Variants in MTFR1 observed in about 807,000 individuals in gnomAD.
The protein encoded by MTFR1 is chondrocyte protein with a poly-proline region.
Under a neutral mutation model 38.8 loss-of-function variants are expected in MTFR1, and 28 were observed. That is an observed-to-expected ratio of 0.72 (90% confidence interval 0.53 to 0.99). MTFR1 has a LOEUF of 0.99. Among genes scored for constraint, MTFR1 ranks in the 50% least tolerant of loss-of-function variants. The pLI is 0.00. For synonymous variants in MTFR1, 145 were observed against 137.0 expected, an observed-to-expected ratio of 1.06 and a Z score of -0.41; for missense variants, 358 against 395.5, an observed-to-expected ratio of 0.91 and a Z score of 0.81.
intron 3 of MTFR1, chr8:65,723,443 G>T: frequency 8.9e-7 from 1 of 1,120,622 alleles, no homozygotes; most frequent in Non-Finnish European, 1.2e-6. Context: ...AAATAGAAAT[G>T]AGCATAATTT....
intron 5 of MTFR1, among the ~76,000 whole-genome samples, chr8:65,706,274 T>C (rs1171231930): frequency 5.9e-5 from 9 of 152,206 alleles, no homozygotes; most frequent in East Asian, 5.8e-4. Flanking sequence ...ATAGATAATT[T>C]TGAAGCTCTA....
rs758152611 is a variant in MTFR1 at position 65,726,871 on chromosome 8, C to A, written c.*48+7390C>A. 1.8e-5 allele frequency: 27 copies of A among 1,522,178 alleles called. No homozygotes were observed. The South Asian group carries it at 2.9e-4, about 16-fold the overall frequency. 94.3% of individuals were successfully genotyped at this position (1,522,178 alleles called of 1,614,324 possible). ...CAAATTAAATTTGTCTTAATCCAAC[C>A]TACCTGCTTTCTAATGGCAGATGTG... On this transcript the variant is annotated intron_variant, in intron 3 of 3. Coordinates refer to the MTFR1 transcript ENST00000521247.
intron 1 of MTFR1, among the ~76,000 whole-genome samples, chr8:65,657,314 A>G (rs1320953354): frequency 6.6e-6 from 1 of 152,140 alleles, no homozygotes; most frequent in African/African-American, 2.4e-5. Context: ...CGCCCAGTCT[A>G]TTTATTTGTT....
chr8:65,677,426 A>G, intron 2 of MTFR1, among the ~76,000 whole-genome samples: 1 of 130,404 alleles, frequency 7.7e-6, no homozygotes. Flanking sequence ...GCTCTGTCCC[A>G]GGCAGGAGTG....
chr8:65,660,294 A>G (rs1171614942), intron 1 of MTFR1, among the ~76,000 whole-genome samples: 1 of 146,320 alleles, frequency 6.8e-6, no homozygotes, highest in African/African-American at 2.5e-5. Flanking sequence ...TCTGTCTCAA[A>G]AAAAAAAAAA....
In MTFR1 at chr8:65,669,903, T is replaced by A. The variant is rs1307067779; in HGVS notation, c.-50T>A. 2.1e-6 allele frequency: 3 copies of A among 1,436,780 alleles called. No homozygotes were observed. The highest frequency in any genetic ancestry group is 1.4e-5 in the African/African-American group (1 of 70,710). The allele number at this position is 1,436,780 out of a possible 1,614,324, so 89.0% of individuals were successfully genotyped here. A position where few individuals can be genotyped will look rare whatever the true frequency, so the allele number is the denominator to read the frequency against. ...TTTATGGACCATGTGCTGCTATGTATGCCTGAAGAAGTACTTGAAATGCAA... is the reference window on the plus strand; with the variant it reads ...TTTATGGACCATGTGCTGCTATGTAAGCCTGAAGAAGTACTTGAAATGCAA... On this transcript the variant is annotated 5_prime_UTR_variant, in exon 2 of 8. An upstream start codon of the reference 5' UTR is lost. Coordinates refer to ENST00000262146, the MANE Select transcript of MTFR1 (RefSeq NM_014637.4).
chr8:65,743,407 G>A (rs930701498), intron 3 of MTFR1, among the ~76,000 whole-genome samples: 7 of 152,156 alleles, frequency 4.6e-5, no homozygotes, highest in Non-Finnish European at 8.8e-5. Flanking sequence ...ATCACCAAGG[G>A]CAAAGGAAAA....
intron 3 of MTFR1, among the ~76,000 whole-genome samples, chr8:65,690,151 T>C (rs1344156799): frequency 6.6e-6 from 1 of 152,226 alleles, no homozygotes; most frequent in Non-Finnish European, 1.5e-5. Flanking sequence ...TTTATAGATG[T>C]AAAATTGAGA....
At chr8:65,656,090 G>A (rs1376822574) in intron 1 of MTFR1, among the ~76,000 whole-genome samples, 1 of 148,808 alleles carries the variant, frequency 6.7e-6, no homozygotes, top group African/African-American at 2.5e-5. Context: ...CAGCTACTCA[G>A]GAGGCTGAGG....
chr8:65,665,876 A>C (rs1804368045), intron 1 of MTFR1, among the ~76,000 whole-genome samples: 1 of 151,864 alleles, frequency 6.6e-6, no homozygotes, highest in African/African-American at 2.4e-5. Flanking sequence ...GCATTAACCT[A>C]CTTTTTTAGG....
intron 4 of MTFR1, among the ~76,000 whole-genome samples, chr8:65,696,389 A>G (rs1233795211): frequency 6.6e-6 from 1 of 152,180 alleles, no homozygotes; most frequent in Non-Finnish European, 1.5e-5. Flanking sequence ...AATACAGAGA[A>G]ATTCCCCATG....
chr8:65,763,373 C>G (rs1808606872), intron 3 of MTFR1, among the ~76,000 whole-genome samples: 1 of 152,102 alleles, frequency 6.6e-6, no homozygotes, highest in South Asian at 2.1e-4. Flanking sequence ...CGAGACCAGC[C>G]TGACCAACAT....
chr8:65,774,164 C>T (rs911542755), downstream of MTFR1, among the ~76,000 whole-genome samples: 6 of 152,164 alleles, frequency 3.9e-5, no homozygotes, highest in African/African-American at 7.2e-5. Flanking sequence ...GTTTCTGCTA[C>T]GTTATTGCAG....
intron 4 of MTFR1, among the ~76,000 whole-genome samples, chr8:65,700,242 C>T (rs559482921): frequency 6.6e-6 from 1 of 150,938 alleles, no homozygotes; most frequent in South Asian, 2.1e-4. Flanking sequence ...TCCTTGCTAC[C>T]TGAGAGGCTG....
chr8:65,715,600 ACTCCCGAC>A (rs1211103215), intron 2 of MTFR1, among the ~76,000 whole-genome samples: 1 of 149,346 alleles, frequency 6.7e-6, no homozygotes, highest in Non-Finnish European at 1.5e-5. Flanking sequence ...CTGGTCTCGA[ACTCCCGAC>A]CTCAGGTGAT....
chr8:65,704,531 T>C (rs1805719472), intron 4 of MTFR1, among the ~76,000 whole-genome samples, 163 bp from the exon 5 acceptor site: 1 of 152,200 alleles, frequency 6.6e-6, no homozygotes, highest in Non-Finnish European at 1.5e-5. Context: ...CTACATAAGG[T>C]TGACAAATGC....
At position 65,707,120 on chromosome 8, in the gene MTFR1, C is replaced by G. The variant is rs767497648; in HGVS notation, c.628C>G (p.Leu210Val). 40 of 1,517,512 alleles carry G rather than the reference C, an allele frequency of 2.6e-5. No individual in the cohort carries two copies. Among genetic ancestry groups the G allele is most frequent in the Non-Finnish European group, 2.5e-5 (28 of 1,118,244 alleles). The allele number at this position is 1,517,512 out of a possible 1,614,324, so 94.0% of individuals were successfully genotyped here. A position where few individuals can be genotyped will look rare whatever the true frequency, so the allele number is the denominator to read the frequency against. ...GLHQSTSAVD[L>V]IKERREKRAN... ...CCACCAAAGTACATCTGCTGTTGAT[C>G]TGATTAAAGAACGAAGAGAGAAAAG... is the stretch of plus-strand genomic sequence containing the variant. Residue 210 changes from leucine to valine, a missense_variant, in exon 6 of 8, where the codon CTG becomes GTG. Physicochemically the swap from Leu to Val is conservative, Grantham distance 32. Coordinates refer to ENST00000262146, the MANE Select transcript of MTFR1 (RefSeq NM_014637.4).
At chr8:65,679,148 G>A (rs1804805000) in intron 2 of MTFR1, among the ~76,000 whole-genome samples, 1 of 152,154 alleles carries the variant, frequency 6.6e-6, no homozygotes, top group Admixed American at 6.6e-5. Flanking sequence ...ACTTTAGACT[G>A]TCTAATTGTC....
At chr8:65,727,275 A>T (rs773850485) in intron 3 of MTFR1, 20 of 1,613,232 alleles carry the variant, frequency 1.2e-5, no homozygotes, top group Admixed American at 3.3e-5. Context: ...TCAGCAAGAT[A>T]TCCCAAGGAG....
Sources: allele counts gnomAD v4.1 joint callset (sites outside exome capture counted in the v4.1 genomes callset), GRCh38; gene constraint gnomAD v4.1.1; transcripts MANE v1.5; gene names NCBI Gene and HGNC (gene_info 2026-07-23, HGNC 2026-07-21).